The following SYT2 variants were observed in gnomAD, a reference collection of about 807,000 sequenced individuals.
SYT2 encodes the protein synaptotagmin 2.
Under a neutral mutation model 39.9 loss-of-function variants are expected in SYT2, and 15 were observed. The ratio of observed to expected loss-of-function variants is 0.38; its 90% confidence interval spans 0.25 to 0.58. The LOEUF (loss-of-function observed/expected upper bound fraction) is 0.58. SYT2 is among the 20% of genes least tolerant of loss of function. SYT2 has a pLI of 0.70. For missense variants in SYT2, 389 were observed against 530.3 expected (o/e 0.73, Z 2.62); for synonymous variants, 181 against 204.5 (o/e 0.89, Z 0.98).
Position 202,596,710 on chromosome 1 carries a change from G to C in SYT2, c.*47C>G. Reference sequence around the variant, plus strand: ...CATAACTGAGGTATTGATAGCTCTGGATCTTGTCAGTGTCCGTGAAAGGTG... The same window carrying C: ...CATAACTGAGGTATTGATAGCTCTGCATCTTGTCAGTGTCCGTGAAAGGTG... On this transcript the variant is annotated 3_prime_UTR_variant, in exon 9 of 9. Transcript: ENST00000367268. 1.3e-6 allele frequency: 2 copies of C among 1,565,654 alleles called. No homozygotes were observed. The highest frequency in any genetic ancestry group is 1.8e-6 in the Non-Finnish European group (2 of 1,141,662).
chr1:202,595,389 TG>T lies in SYT2; in HGVS notation c.*1367del, dbSNP rs953965459. On this transcript the variant is annotated 3_prime_UTR_variant, in exon 9 of 9. Coordinates refer to ENST00000367268, the MANE Select transcript of SYT2 (RefSeq NM_177402.5). ...GCATTCATAGAGAGAAGCCCCCTAATGGTAGGACGGGTCCTTCCCATAGGTC... is the reference window on the plus strand; with the variant it reads ...GCATTCATAGAGAGAAGCCCCCTAATGTAGGACGGGTCCTTCCCATAGGTC... 7 of 152,216 alleles carry T rather than the reference TG, an allele frequency of 4.6e-5. No homozygotes were observed. Among genetic ancestry groups the T allele is most frequent in the African/African-American group, 1.4e-4 (6 of 41,450 alleles). The allele number at this position is 152,216 out of a possible 1,614,324, so 9.4% of individuals were successfully genotyped here. A position where few individuals can be genotyped will look rare whatever the true frequency, so the allele number is the denominator to read the frequency against.
chr1:202,625,060 T>C, intron 1 of SYT2, among the ~76,000 whole-genome samples: 1 of 152,104 alleles, frequency 6.6e-6, no homozygotes, highest in African/African-American at 2.4e-5. Context: ...GTAGGGTGTG[T>C]GGTGTGTAGT....
At chr1:202,616,992 C>T (rs976682026) in intron 1 of SYT2, among the ~76,000 whole-genome samples, 3 of 152,220 alleles carry the variant, frequency 2.0e-5, no homozygotes, top group African/African-American at 7.2e-5. Flanking sequence ...AATGCAAAGC[C>T]AGTCATGTCG....
chr1:202,634,291 G>A (rs1360047987), intron 1 of SYT2, among the ~76,000 whole-genome samples: 3 of 152,188 alleles, frequency 2.0e-5, no homozygotes, highest in Admixed American at 1.3e-4. Context: ...GCCGAGGCGG[G>A]TGGATCACCC....
chr1:202,701,059 C>T (rs142748930), intron 1 of SYT2, among the ~76,000 whole-genome samples: 41 of 152,294 alleles, frequency 2.7e-4, no homozygotes, highest in African/African-American at 8.9e-4. Context: ...TTTCATTAAA[C>T]AATATTAACA....
At position 202,647,672 on chromosome 1, in the gene SYT2, C is replaced by T. The variant is rs188920733; in HGVS notation, c.-17-41883G>A. On this transcript the variant is annotated intron_variant, in intron 1 of 8. Coordinates refer to ENST00000367268, the MANE Select transcript of SYT2 (RefSeq NM_177402.5). ...TTCTTCACCTTGACCGAGTTCCCTC[C>T]CCACTTCAGACCTGTCCAAACAAAA... Among the ~76,000 whole-genome samples, 54 of 152,310 alleles carry T rather than the reference C, an allele frequency of 3.5e-4. No homozygotes were observed. The East Asian group carries it at 8.7e-3, about 25-fold the overall frequency.
At chr1:202,602,260 T>C in intron 5 of SYT2, 118 bp downstream of exon 5, 1 of 1,298,846 alleles carries the variant, frequency 7.7e-7, no homozygotes, top group Non-Finnish European at 1.1e-6. Flanking sequence ...AGCCCTGCAG[T>C]CAAGGCTGCC....
chr1:202,625,597 C>T (rs889819453), intron 1 of SYT2, among the ~76,000 whole-genome samples: 4 of 151,948 alleles, frequency 2.6e-5, no homozygotes, highest in African/African-American at 7.3e-5. Context: ...GGAGACCTAG[C>T]GGTGCCCCCT....
intron 1 of SYT2, among the ~76,000 whole-genome samples, chr1:202,686,494 G>A (rs1396677131): frequency 3.9e-5 from 6 of 152,130 alleles, no homozygotes; most frequent in Admixed American, 3.3e-4. Flanking sequence ...TCTTGAAGGT[G>A]GATCCCTAAT....
chr1:202,669,422 C>T (rs1470900778), intron 1 of SYT2, among the ~76,000 whole-genome samples: 1 of 151,708 alleles, frequency 6.6e-6, no homozygotes, highest in Non-Finnish European at 1.5e-5. Flanking sequence ...GAGGCCGAGG[C>T]GGGTGGATCA....
intron 1 of SYT2, among the ~76,000 whole-genome samples, chr1:202,652,279 GGTT>G (rs1335179949): frequency 6.6e-6 from 1 of 152,170 alleles, no homozygotes; most frequent in Non-Finnish European, 1.5e-5. Flanking sequence ...ATATGTCAAG[GGTT>G]GTGGTGATGG....
At chr1:202,638,791 T>G (rs1691820109) in intron 1 of SYT2, among the ~76,000 whole-genome samples, 1 of 152,168 alleles carries the variant, frequency 6.6e-6, no homozygotes, top group African/African-American at 2.4e-5. Flanking sequence ...GTCAGACTTA[T>G]TCCCCGTCCT....
At chr1:202,698,826 G>A (rs1323456664) in intron 1 of SYT2, among the ~76,000 whole-genome samples, 1 of 152,114 alleles carries the variant, frequency 6.6e-6, no homozygotes, top group African/African-American at 2.4e-5. Flanking sequence ...CCTAGAGATT[G>A]TACTTTCCAG....
intron 1 of SYT2, among the ~76,000 whole-genome samples, chr1:202,669,739 C>T (rs1479537680): frequency 1.4e-5 from 2 of 146,122 alleles, no homozygotes; most frequent in Non-Finnish European, 3.0e-5. Flanking sequence ...GCTTGGATGA[C>T]AGAGTGAGAC....
At chr1:202,696,457 C>A (rs77998211) in intron 1 of SYT2, among the ~76,000 whole-genome samples, 1 of 152,180 alleles carries the variant, frequency 6.6e-6, no homozygotes, top group East Asian at 1.9e-4. Context: ...CTTTTTACTT[C>A]ATTCCAATGA....
At chr1:202,627,336 G>T in intron 1 of SYT2, 1 of 546,334 alleles carries the variant, frequency 1.8e-6, no homozygotes, top group Non-Finnish European at 2.3e-6. Context: ...TGCTGAGCCT[G>T]ATAGCAGGAA....
intron 1 of SYT2, among the ~76,000 whole-genome samples, chr1:202,612,626 C>CG (rs1690916096): frequency 6.6e-6 from 1 of 152,228 alleles, no homozygotes; most frequent in Admixed American, 6.5e-5. Context: ...CTTGGCTTCC[C>CG]AAAGTGCTGG....
chr1:202,637,871 G>A (rs1691783803), intron 1 of SYT2, among the ~76,000 whole-genome samples: 1 of 152,242 alleles, frequency 6.6e-6, no homozygotes, highest in African/African-American at 2.4e-5. Flanking sequence ...TTAGTCTTGG[G>A]TGGCAGCGCT....
intron 1 of SYT2, among the ~76,000 whole-genome samples, chr1:202,606,553 G>A (rs1253488471): frequency 2.0e-5 from 3 of 152,014 alleles, no homozygotes; most frequent in East Asian, 1.9e-4. Context: ...GTTTCTTCAC[G>A]GGCTCCCTCA....
Sources: allele counts gnomAD v4.1 joint callset (sites outside exome capture counted in the v4.1 genomes callset), GRCh38; gene constraint gnomAD v4.1.1; transcripts MANE v1.5; gene names NCBI Gene and HGNC (gene_info 2026-07-23, HGNC 2026-07-21).